USH2A: variants seen among roughly 807,000 people sequenced by gnomAD.
The protein encoded by USH2A is Usher syndrome 2A (autosomal recessive, mild).
USH2A carries 443 observed loss-of-function variants against 538.9 expected under a neutral mutation model. That is an observed-to-expected ratio of 0.82 (90% CI 0.76 to 0.89). The LOEUF (loss-of-function observed/expected upper bound fraction) is 0.89, where lower values mean the gene tolerates loss of function less well. USH2A is among the 40% of genes least tolerant of loss of function. USH2A has a pLI of 0.00. For missense variants in USH2A, 6,633 were observed against 6,324.8 expected (o/e 1.05, Z -1.65); for synonymous variants, 2,413 against 2,273.5 (o/e 1.06, Z -1.75).
intron 50 of USH2A, among the ~76,000 whole-genome samples, chr1:215,793,866 T>C (rs566281006): frequency 6.6e-6 from 1 of 152,206 alleles, no homozygotes; most frequent in Admixed American, 6.5e-5. Flanking sequence ...CAGTTTCCCA[T>C]GGCTAATAGA....
chr1:216,053,024 G>T (rs574100325), intron 30 of USH2A, among the ~76,000 whole-genome samples: 1 of 152,262 alleles, frequency 6.6e-6, no homozygotes, highest in African/African-American at 2.4e-5. Flanking sequence ...CAATGTTTCC[G>T]CTATATGCGT....
At chr1:216,420,368 T>C (rs1244924927) in intron 2 of USH2A, among the ~76,000 whole-genome samples, 1 of 152,100 alleles carries the variant, frequency 6.6e-6, no homozygotes, top group Non-Finnish European at 1.5e-5. Context: ...GGAAGGCAGG[T>C]AGCAAAATAT....
chr1:216,049,955 T>A (rs1035360624), intron 30 of USH2A, among the ~76,000 whole-genome samples: 3 of 152,196 alleles, frequency 2.0e-5, no homozygotes, highest in African/African-American at 7.2e-5. Context: ...GCCAACGAAC[T>A]AATATACACA....
chr1:215,867,224 C>G, intron 43 of USH2A, 54 bp from the exon 44 acceptor site: 2 of 1,570,366 alleles, frequency 1.3e-6, no homozygotes, highest in Non-Finnish European at 1.7e-6. Context: ...TACAGAAAAT[C>G]TAACAAATAA....
chr1:215,642,089 T>C (rs1656705140), intron 67 of USH2A, among the ~76,000 whole-genome samples: 1 of 152,162 alleles, frequency 6.6e-6, no homozygotes, highest in Non-Finnish European at 1.5e-5. Context: ...AATAGAAAGA[T>C]AGGAGTCTTA....
At chr1:216,285,280 A>G (rs6660406) in intron 11 of USH2A, among the ~76,000 whole-genome samples, 101,547 of 152,160 alleles carry the variant, frequency 0.67, 35,947 homozygotes, top group Non-Finnish European at 0.77. Flanking sequence ...GCCGTGTCCC[A>G]ACTGCTCCAG....
chr1:216,293,036 T>G (rs1558369441), intron 9 of USH2A, among the ~76,000 whole-genome samples: 1 of 149,508 alleles, frequency 6.7e-6, no homozygotes, highest in Non-Finnish European at 1.5e-5. Context: ...TTTTTTTTTT[T>G]TTTTTTGAGA....
At chr1:216,157,329 T>C (rs906312633) in intron 21 of USH2A, among the ~76,000 whole-genome samples, 2 of 152,182 alleles carry the variant, frequency 1.3e-5, no homozygotes, top group African/African-American at 2.4e-5. Flanking sequence ...AAACAGCAGA[T>C]GCTGGTAAGG....
At chr1:215,710,423 A>G (rs180879952) in intron 61 of USH2A, among the ~76,000 whole-genome samples, 2 of 152,304 alleles carry the variant, frequency 1.3e-5, no homozygotes, top group East Asian at 3.9e-4. Context: ...CTACTTCCAC[A>G]CTTGCAATCA....
At chr1:215,832,285 G>A (rs985539935) in intron 47 of USH2A, among the ~76,000 whole-genome samples, 1 of 151,882 alleles carries the variant, frequency 6.6e-6, no homozygotes, top group South Asian at 2.1e-4. Flanking sequence ...AAGTTAGTAT[G>A]AGACCAGAAA....
At chr1:215,694,564 C>T (rs927118500) in intron 61 of USH2A, among the ~76,000 whole-genome samples, 9 of 152,032 alleles carry the variant, frequency 5.9e-5, no homozygotes, top group African/African-American at 2.2e-4. Flanking sequence ...CAGAGAGAGA[C>T]TCCATCTCAA....
intron 3 of USH2A, among the ~76,000 whole-genome samples, chr1:216,370,697 A>AAAAAAAAAAAAAAAC (rs2038696541): frequency 6.6e-6 from 1 of 150,770 alleles, no homozygotes; most frequent in Non-Finnish European, 1.5e-5. Context: ...AAAAAAAAAA[A>AAAAAAAAAAAAAAAC]AAAAATACTC....
intron 49 of USH2A, among the ~76,000 whole-genome samples, chr1:215,810,177 A>C (rs7540798): frequency 0.036 from 5,470 of 152,256 alleles, 173 homozygotes; most frequent in East Asian, 0.15. Context: ...GGTAGATATT[A>C]AAATGCTTTA....
Position 215,675,427 on chromosome 1 carries a change from T to G in USH2A, c.12484A>C (p.Thr4162Pro). The G allele has an allele frequency of 6.2e-7, 1 of 1,614,002 alleles. No individual in the cohort carries two copies. The highest frequency in any genetic ancestry group is 8.5e-7 in the Non-Finnish European group (1 of 1,179,916). Residue 4162 changes from threonine to proline, a missense_variant, in exon 63 of 72, where the codon ACT becomes CCT. By Grantham distance (38) the Thr-to-Pro change is conservative. Transcript: ENST00000307340. ...CTGGTGGACTTCACAGAGTGGACAG[T>G]AGGAGCCAGCTGAGAGTCTGGAGGG... ...EAPPDSQLAP[T>P]VHSVKSTSVE...
In USH2A at chr1:215,628,861, T is replaced by C; in HGVS notation, c.15472A>G (p.Met5158Val). Reference protein sequence around the residue: ...LMDIQDKKVLMDNSLWEAIMG... With the variant: ...LMDIQDKKVLVDNSLWEAIMG... ...ATGGCTTCCCACAGTGAGTTGTCCA[T>C]CAAGACTTTCTTGTCTTGAATGTCC... The change falls in exon 71 of 72, where the codon ATG becomes GTG. Residue 5158 changes from methionine to valine, a missense_variant. Coordinates refer to ENST00000307340, the MANE Select transcript of USH2A (RefSeq NM_206933.4). The C allele has an allele frequency of 6.2e-7, 1 of 1,614,174 alleles. No individual in the cohort carries two copies. The highest frequency in any genetic ancestry group is 8.5e-7 in the Non-Finnish European group (1 of 1,180,036).
At chr1:215,825,475 A>G (rs1481968774) in intron 47 of USH2A, among the ~76,000 whole-genome samples, 1 of 152,186 alleles carries the variant, frequency 6.6e-6, no homozygotes, top group Non-Finnish European at 1.5e-5. Flanking sequence ...GTCAGATCAA[A>G]TTTTTATGAA....
At chr1:215,846,057 T>C (rs1374590990) in intron 44 of USH2A, 24 bp from the exon 45 acceptor site, 9 of 1,605,328 alleles carry the variant, frequency 5.6e-6, no homozygotes, top group Non-Finnish European at 6.0e-6. Flanking sequence ...ATGCAGGACA[T>C]GGTGAATGTA....
intron 70 of USH2A, 127 bp downstream of exon 70, chr1:215,634,332 C>G: frequency 6.7e-7 from 1 of 1,492,766 alleles, no homozygotes; most frequent in East Asian, 2.3e-5. Context: ...TCTTGGTCCC[C>G]ACACTTAGTG....
At position 216,114,067 on chromosome 1, in the gene USH2A, A is replaced by T. The variant is rs1054489083; in HGVS notation, c.4628-16854T>A. 5.8e-4 allele frequency among the ~76,000 whole-genome samples: 88 copies of T among 151,984 alleles called. 2 individuals carry two copies. The highest frequency in any genetic ancestry group is 1.9e-3 in the African/African-American group (81 of 41,566). On this transcript the variant is annotated intron_variant, in intron 21 of 71. Transcript: ENST00000307340. ...ACTCTTTTGTATTAAAATGATTATT[A>T]TAAGTTCTTCTTTTCTCTTTTCCTT...
Sources: allele counts gnomAD v4.1 joint callset (sites outside exome capture counted in the v4.1 genomes callset), GRCh38; gene constraint gnomAD v4.1.1; transcripts MANE v1.5; gene names NCBI Gene and HGNC (gene_info 2026-07-23, HGNC 2026-07-21).